Variants in ECEL1 observed in about 807,000 individuals in gnomAD.
The protein encoded by ECEL1 is endothelin converting enzyme like 1, also known as endothelin-converting enzyme-like 1.
A neutral mutation model predicts 101.8 loss-of-function variants in ECEL1; 87 were observed. That is an observed-to-expected ratio of 0.85 (90% CI 0.72 to 1.02). The LOEUF (loss-of-function observed/expected upper bound fraction) is 1.02. ECEL1 is among the 50% of genes least tolerant of loss of function. The pLI is 0.00. For synonymous variants in ECEL1, 487 were observed against 468.7 expected, an observed-to-expected ratio of 1.04 and a Z score of -0.50; for missense variants, 1,032 against 1,079.2, an observed-to-expected ratio of 0.96 and a Z score of 0.61.
rs763639475 is a variant in ECEL1, at chr2:232,486,546, G to A, written c.108C>T (p.Gly36=). The change falls in exon 2 of 18, where the codon GGC becomes GGT. Residue 36 remains glycine (G), a synonymous_variant. Transcript: ENST00000304546. ...CGCTGCGCGCAGCGCCCAACGGGAA[G>A]CCCGGGGGCAGGGAGGCCCCGCGCG... ...GGARGASLPP[G]FPLGAARSAT... 1.3e-5 allele frequency: 17 copies of A among 1,349,912 alleles called. No homozygotes were observed. Among genetic ancestry groups the A allele is most frequent in the Non-Finnish European group, 1.1e-5 (12 of 1,059,390 alleles). The allele number at this position is 1,349,912 out of a possible 1,614,324, so 83.6% of individuals were successfully genotyped here.
In ECEL1 at chr2:232,483,262, G is replaced by A. The variant is rs1054451095; in HGVS notation, c.1507-83C>T. 5 of 1,569,018 alleles carry A rather than the reference G, an allele frequency of 3.2e-6. No individual in the cohort carries two copies. The African/African-American group carries it at 6.8e-5, about 21-fold the overall frequency. On this transcript the variant is annotated intron_variant, in intron 8 of 17. Coordinates refer to ENST00000304546, the MANE Select transcript of ECEL1 (RefSeq NM_004826.4). ...CCCACCCTACCCACCAAGGAAGGGA[G>A]CACTAGGCCAGCCTGGGAGTGGGCT...
rs759892353 is a variant in ECEL1 at position 232,485,270 on chromosome 2, G to GGGGCCA, written c.787-4_787-3insTGGCCC. On this transcript the variant is annotated splice_polypyrimidine_tract_variant and splice_region_variant and intron_variant, in intron 2 of 17. Transcript: ENST00000304546. ...AGGGTGAGCCCATCCTGGTCAATCT[G>GGGGCCA]GGGAGGGAGACAGGGGCCACAGGTC... The GGGGCCA allele has an allele frequency of 6.2e-7, 1 of 1,613,102 alleles. No homozygotes were observed. The highest frequency in any genetic ancestry group is 8.5e-7 in the Non-Finnish European group (1 of 1,179,918).
Position 232,485,263 on chromosome 2 carries a change from T to C in ECEL1, c.791A>G (p.Asp264Gly), listed in dbSNP as rs1407594519. Residue 264 changes from aspartate to glycine, a missense_variant, in exon 3 of 18, where the codon GAC becomes GGC. Asp to Gly is a moderately conservative substitution (Grantham distance 94). Coordinates refer to ENST00000304546, the MANE Select transcript of ECEL1 (RefSeq NM_004826.4). ...CTCTGGCAGGGTGAGCCCATCCTGG[T>C]CAATCTGGGGAGGGAGACAGGGGCC... is the stretch of plus-strand genomic sequence containing the variant. The part of the protein sequence containing the change: ...RNSSRYVIRI[D>G]QDGLTLPERT... 6.2e-7 allele frequency: 1 copy of C among 1,613,224 alleles called. No homozygotes were observed. The highest frequency in any genetic ancestry group is 8.5e-7 in the Non-Finnish European group (1 of 1,179,946).
rs201366755 is a variant in ECEL1 at position 232,481,527 on chromosome 2, G to A, written c.1968C>T (p.Asn656=). 1 of 1,612,798 alleles carries A rather than the reference G, an allele frequency of 6.2e-7. No homozygotes were observed. Among genetic ancestry groups the A allele is most frequent in the East Asian group, 2.2e-5 (1 of 44,846 alleles). Residue 656 remains asparagine, a synonymous_variant, in exon 14 of 18, where the codon AAC becomes AAT. Transcript: ENST00000304546. The part of the protein sequence containing the change: ...KAECIVRLYD[N]FTVYNQRVNG... ...TCACCCGCTGGTTGTAGACAGTGAA[G>A]TTGTCATAGAGACGGACGATGCACT...
At position 232,480,709 on chromosome 2, in the gene ECEL1, C is replaced by A; in HGVS notation, c.2151+9G>T. 1 of 1,613,802 alleles carries A rather than the reference C, an allele frequency of 6.2e-7. No homozygotes were observed. The highest frequency in any genetic ancestry group is 8.5e-7 in the Non-Finnish European group (1 of 1,179,798). ...CAAGGCTCCCAGTCCAATCCCCCAC[C>A]CAGCCCACCTGGGCAAAGGCAATGA... On this transcript the variant is annotated intron_variant, in intron 16 of 17. Transcript: ENST00000304546.
Position 232,481,627 on chromosome 2 carries a change from C to A in ECEL1, c.1868G>T (p.Gly623Val). 1 of 1,613,626 alleles carries A rather than the reference C, an allele frequency of 6.2e-7. No homozygotes were observed. Among genetic ancestry groups the A allele is most frequent in the South Asian group, 1.1e-5 (1 of 91,076 alleles). Residue 623 changes from glycine (G) to valine (V), a missense_variant, in exon 14 of 18, where the codon GGC (glycine) becomes GTC (valine). Coordinates refer to ENST00000304546, the MANE Select transcript of ECEL1 (RefSeq NM_004826.4). ...CAGGTTCCCTGAGCGGTCATACTGG[C>A]CCCCTGTGGGCAGTGCAGCAGGCTG... ...ELTHGYDDWGGQYDRSGNLLH... is the reference protein window; with the variant it reads ...ELTHGYDDWGVQYDRSGNLLH...
Position 232,480,180 on chromosome 2 carries a change from G to T in ECEL1, c.2301C>A (p.Asn767Lys). Residue 767 changes from asparagine (N) to lysine (K), a missense_variant, in exon 18 of 18, where the codon AAC becomes AAA. Asn to Lys is a moderately conservative substitution (Grantham distance 94). Transcript: ENST00000304546. ...ACCACACGGAACACTTGTGGGCAGGGTTCATGGGTGAGTCCTTGGGACAGT... is the reference window on the plus strand; with the variant it reads ...ACCACACGGAACACTTGTGGGCAGGTTTCATGGGTGAGTCCTTGGGACAGT... ...AFHCPKDSPM[N>K]PAHKCSVW 4 of 1,614,048 alleles carry T rather than the reference G, an allele frequency of 2.5e-6. No homozygotes were observed. The highest frequency in any genetic ancestry group is 3.4e-6 in the Non-Finnish European group (4 of 1,179,996).
rs545761697 is a variant in ECEL1, at chr2:232,482,699, G to A, written c.1686-91C>T. On this transcript the variant is annotated intron_variant, in intron 10 of 17. Coordinates refer to ENST00000304546, the MANE Select transcript of ECEL1 (RefSeq NM_004826.4). The stretch of plus-strand genomic sequence containing the variant: ...CTTCCTCGTCAGCCATCTCCTGACA[G>A]TCTGGGGGTCACCCTGCCGGCCCCC... The A allele has an allele frequency of 6.6e-6, 10 of 1,526,504 alleles. No individual in the cohort carries two copies. The East Asian group carries it at 2.3e-4, about 34-fold the overall frequency. 94.6% of individuals were successfully genotyped at this position (1,526,504 alleles called of 1,614,324 possible). A position where few individuals can be genotyped will look rare whatever the true frequency, so the allele number is the denominator to read the frequency against.
chr2:232,483,189 G>A lies in ECEL1; in HGVS notation c.1507-10C>T, dbSNP rs762090965. On this transcript the variant is annotated splice_polypyrimidine_tract_variant and intron_variant, in intron 8 of 17. Transcript: ENST00000304546. ...CCATCATGTACTGGAGCTGCGGGCCGAGGGCAGGTGAAGGTGGCACCAGGC... is the reference window on the plus strand; with the variant it reads ...CCATCATGTACTGGAGCTGCGGGCCAAGGGCAGGTGAAGGTGGCACCAGGC... 21 of 1,595,806 alleles carry A rather than the reference G, an allele frequency of 1.3e-5. No individual in the cohort carries two copies. The highest frequency in any genetic ancestry group is 9.1e-5 in the East Asian group (4 of 44,152).
intron 12 of ECEL1, 82 bp downstream of exon 12, chr2:232,482,336 G>A: frequency 6.3e-7 from 1 of 1,592,554 alleles, no homozygotes; most frequent in Non-Finnish European, 8.6e-7. Context: ...TGGAGCCACA[G>A]TACGCCGACA....
chr2:232,482,658 TA>T, intron 10 of ECEL1, 50 bp from the exon 11 acceptor site: 2 of 1,572,406 alleles, frequency 1.3e-6, no homozygotes, highest in Non-Finnish European at 1.7e-6. Context: ...CCTCCCCCGC[TA>T]CCCTCACATC....
At position 232,486,688 on chromosome 2, in the gene ECEL1, C is replaced by T; in HGVS notation, c.-35G>A. 6.8e-7 allele frequency: 1 copy of T among 1,467,002 alleles called. No homozygotes were observed. The highest frequency in any genetic ancestry group is 2.5e-5 in the Admixed American group (1 of 40,312). 90.9% of individuals were successfully genotyped at this position (1,467,002 alleles called of 1,614,324 possible). A position where few individuals can be genotyped will look rare whatever the true frequency, so the allele number is the denominator to read the frequency against. On this transcript the variant is annotated 5_prime_UTR_variant, in exon 2 of 18. It adds an upstream start codon to the 5' untranslated region. Coordinates refer to ENST00000304546, the MANE Select transcript of ECEL1 (RefSeq NM_004826.4). ...GCCGCCGCGGTGCAGACCTGGGCCA[C>T]CTGGGCTACGGGATGCGCGTGGCCG... is the stretch of plus-strand genomic sequence containing the variant.
At chr2:232,486,799 T>G in intron 1 of ECEL1, 45 bp from the exon 2 acceptor site, 1 of 918,816 alleles carries the variant, frequency 1.1e-6, no homozygotes, top group Non-Finnish European at 1.5e-6. Context: ...CGCAGCCGGA[T>G]GGGGCTCAGG....
At chr2:232,484,334 A>G in intron 6 of ECEL1, 111 bp from the exon 7 acceptor site, 3 of 1,560,254 alleles carry the variant, frequency 1.9e-6, no homozygotes, top group Admixed American at 1.7e-5. Flanking sequence ...GGACCCAGAC[A>G]GCCCCACAAA....
In ECEL1 at chr2:232,481,317, C is replaced by G. The variant is rs746379; in HGVS notation, c.1990-161G>C. ...CAACCCTACTCTTTCCTCCCAACCC[C>G]CTTGTCCTCCGTAAGTCTGCGGACA... On this transcript the variant is annotated intron_variant, in intron 14 of 17. Coordinates refer to ENST00000304546, the MANE Select transcript of ECEL1 (RefSeq NM_004826.4). Among the ~76,000 whole-genome samples, 41,628 of 152,240 alleles carry G rather than the reference C, an allele frequency of 0.27. 6,417 individuals are homozygous for G. The highest frequency in any genetic ancestry group is 0.6 in the East Asian group (3,097 of 5,152).
chr2:232,481,870 T>C (rs769168956), intron 12 of ECEL1, 21 bp from the exon 13 acceptor site: 2 of 1,613,654 alleles, frequency 1.2e-6, no homozygotes, highest in South Asian at 1.1e-5. Context: ...AGCAGCAGCA[T>C]CAGGCCCTAG....
rs1690642713 is a variant in ECEL1, at chr2:232,483,605, C to T, written c.1408-91G>A. The T allele has an allele frequency of 3.8e-6, 4 of 1,054,650 alleles. No homozygotes were observed. The Admixed American group carries it at 8.2e-5, about 22-fold the overall frequency. The allele number at this position is 1,054,650 out of a possible 1,614,324, so 65.3% of individuals were successfully genotyped here. On this transcript the variant is annotated intron_variant, in intron 7 of 17. Coordinates refer to ENST00000304546, the MANE Select transcript of ECEL1 (RefSeq NM_004826.4). ...GGGGTACCCCTGCCTTTAAGCACCA[C>T]TTTCTAAGCCCAAACCTCATTTCTG...
intron 16 of ECEL1, 48 bp downstream of exon 16, chr2:232,480,670 C>T (rs1403473092): frequency 6.3e-7 from 1 of 1,594,284 alleles, no homozygotes; most frequent in South Asian, 1.1e-5. Flanking sequence ...ACCCTGGATG[C>T]CGTGTCCCCA....
chr2:232,480,659 G>T, intron 16 of ECEL1, 59 bp downstream of exon 16: 1 of 1,581,426 alleles, frequency 6.3e-7, no homozygotes, highest in South Asian at 1.1e-5. Context: ...GACTGGGACT[G>T]ACCCTGGATG....
Sources: allele counts gnomAD v4.1 joint callset (sites outside exome capture counted in the v4.1 genomes callset), GRCh38; gene constraint gnomAD v4.1.1; transcripts MANE v1.5; gene names NCBI Gene and HGNC (gene_info 2026-07-23, HGNC 2026-07-21).